Variants in MCU observed in about 807,000 individuals in gnomAD.
MCU encodes calcium uniporter protein, mitochondrial.
A neutral mutation model predicts 45.2 loss-of-function variants in MCU; 12 were observed. The ratio of observed to expected loss-of-function variants is 0.27; its 90% CI spans 0.17 to 0.43. The LOEUF (loss-of-function observed/expected upper bound fraction) is 0.43. Among genes scored for constraint, MCU ranks in the 20% least tolerant of loss-of-function variants. The pLI is 1.00. For synonymous variants in MCU, 160 were observed against 165.1 expected (o/e 0.97, Z 0.24); for missense variants, 324 against 436.7 (o/e 0.74, Z 2.30).
intron 1 of MCU, among the ~76,000 whole-genome samples, chr10:72,716,063 C>T (rs1589429538): frequency 6.6e-6 from 1 of 152,170 alleles, no homozygotes; most frequent in Non-Finnish European, 1.5e-5. Flanking sequence ...TAAATGGTTG[C>T]TTGATTTTGT....
chr10:72,775,396 A>G (rs910824828), intron 1 of MCU, among the ~76,000 whole-genome samples: 5 of 152,164 alleles, frequency 3.3e-5, no homozygotes, highest in Admixed American at 6.5e-5. Context: ...TAAAAGCCTT[A>G]CTAAGAGGGA....
intron 1 of MCU, among the ~76,000 whole-genome samples, chr10:72,743,454 A>G (rs377058664): frequency 1.3e-5 from 2 of 150,196 alleles, no homozygotes; most frequent in South Asian, 2.1e-4. Flanking sequence ...CCCCTTTAAT[A>G]TATCTTTATG....
chr10:72,855,719 AAGT>A (rs1251710741), intron 2 of MCU, among the ~76,000 whole-genome samples: 1 of 152,254 alleles, frequency 6.6e-6, no homozygotes, highest in Non-Finnish European at 1.5e-5. Flanking sequence ...AAAAGAAAAT[AAGT>A]AGTAAGATGG....
Position 72,866,459 on chromosome 10 carries a change from G to A in MCU, c.497-2244G>A, listed in dbSNP as rs201273440. Among the ~76,000 whole-genome samples the A allele has an allele frequency of 5.3e-5, 8 of 152,002 alleles. No homozygotes were observed. The East Asian group carries it at 1.2e-3, about 22-fold the overall frequency. ...TGTTTTGAGGCTGGAGTACAGTGGCGCAATCTCGGCTTACTGCAACCTCTG... is the reference window on the plus strand; with the variant it reads ...TGTTTTGAGGCTGGAGTACAGTGGCACAATCTCGGCTTACTGCAACCTCTG... On this transcript the variant is annotated intron_variant, in intron 4 of 7. Coordinates refer to ENST00000373053, the MANE Select transcript of MCU (RefSeq NM_138357.3).
chr10:72,813,363 C>A (rs370806273), intron 1 of MCU, among the ~76,000 whole-genome samples: 1 of 151,788 alleles, frequency 6.6e-6, no homozygotes, highest in African/African-American at 2.4e-5. Flanking sequence ...AGAAACCTAA[C>A]CCTTTAATTA....
intron 1 of MCU, among the ~76,000 whole-genome samples, chr10:72,749,911 C>T (rs141522526): frequency 0.068 from 10,358 of 151,452 alleles, 393 homozygotes; most frequent in Middle Eastern, 0.12. Context: ...GGACTACAGG[C>T]GTGTGCTACC....
chr10:72,737,414 G>A (rs551725522), intron 1 of MCU, among the ~76,000 whole-genome samples: 2 of 152,288 alleles, frequency 1.3e-5, no homozygotes, highest in East Asian at 3.9e-4. Flanking sequence ...ATATAGTCTA[G>A]TTGTATTGGG....
chr10:72,874,162 T>G (rs1845587020), intron 6 of MCU, among the ~76,000 whole-genome samples: 1 of 152,216 alleles, frequency 6.6e-6, no homozygotes, highest in African/African-American at 2.4e-5. Flanking sequence ...TGATAGGGAA[T>G]GCATCAAATG....
At chr10:72,823,496 A>G (rs1035464087) in intron 1 of MCU, among the ~76,000 whole-genome samples, 1 of 152,118 alleles carries the variant, frequency 6.6e-6, no homozygotes, top group Non-Finnish European at 1.5e-5. Context: ...TTCTGGGTTG[A>G]GTGTTTTCAG....
At chr10:72,823,461 C>G (rs998594023) in intron 1 of MCU, among the ~76,000 whole-genome samples, 2 of 152,188 alleles carry the variant, frequency 1.3e-5, no homozygotes, top group African/African-American at 4.8e-5. Flanking sequence ...CAGCTGGAGT[C>G]ATAGACAGAG....
chr10:72,760,258 T>C (rs1190972895), intron 1 of MCU, among the ~76,000 whole-genome samples: 1 of 152,086 alleles, frequency 6.6e-6, no homozygotes, highest in Non-Finnish European at 1.5e-5. Context: ...ACTATATTGC[T>C]CAGGCTGCTC....
chr10:72,721,639 C>T (rs1195743207), intron 1 of MCU, among the ~76,000 whole-genome samples: 1 of 152,186 alleles, frequency 6.6e-6, no homozygotes, highest in African/African-American at 2.4e-5. Flanking sequence ...TCTTTTCCCT[C>T]TTGAGTCTCT....
chr10:72,711,798 A>G (rs757305191), intron 1 of MCU, among the ~76,000 whole-genome samples: 27 of 142,152 alleles, frequency 1.9e-4, no homozygotes, highest in Admixed American at 8.3e-4. Context: ...TGTAAGCTCC[A>G]TCTCCCGGGT....
chr10:72,805,099 T>TTC (rs776609775), intron 1 of MCU, among the ~76,000 whole-genome samples: 1 of 57,066 alleles, frequency 1.8e-5, no homozygotes, highest in South Asian at 5.8e-4. Flanking sequence ...CTTTCTTTCT[T>TTC]TCTCTTTCTT....
intron 2 of MCU, among the ~76,000 whole-genome samples, chr10:72,853,232 ATAGCTAT>A (rs1589496917): frequency 6.6e-6 from 1 of 152,242 alleles, no homozygotes; most frequent in Non-Finnish European, 1.5e-5. Context: ...GAATGTTAAA[ATAGCTAT>A]TATAAATATG....
chr10:72,727,320 C>T (rs554055616), intron 1 of MCU, among the ~76,000 whole-genome samples: 2 of 152,276 alleles, frequency 1.3e-5, no homozygotes, highest in South Asian at 2.1e-4. Context: ...GGAACATTCC[C>T]CAAGCCTGGC....
chr10:72,711,748 G>A (rs142715936), intron 1 of MCU, among the ~76,000 whole-genome samples: 237 of 115,766 alleles, frequency 2.0e-3, no homozygotes, highest in Non-Finnish European at 3.3e-3. Flanking sequence ...GTCTCACTCT[G>A]TCCCCCAGGC....
intron 1 of MCU, among the ~76,000 whole-genome samples, chr10:72,771,827 C>T (rs1202611706): frequency 6.6e-6 from 1 of 152,142 alleles, no homozygotes; most frequent in African/African-American, 2.4e-5. Context: ...CCCTTGCCCT[C>T]CTCCCCACTA....
intron 2 of MCU, among the ~76,000 whole-genome samples, chr10:72,837,471 C>G (rs1844971814): frequency 1.3e-5 from 2 of 152,142 alleles, no homozygotes; most frequent in East Asian, 3.9e-4. Context: ...CCTTATAACC[C>G]CCGGTAAGTA....
Sources: gnomAD v4.1 joint callset for allele counts (sites outside exome capture counted in the v4.1 genomes callset) on GRCh38, gnomAD v4.1.1 for gene constraint, MANE v1.5 for transcripts, NCBI Gene and HGNC (gene_info 2026-07-23, HGNC 2026-07-21) for gene names.